GEMIN6: variants seen among roughly 807,000 people sequenced by gnomAD.
GEMIN6 encodes gem nuclear organelle associated protein 6.
A neutral mutation model predicts 14.1 loss-of-function variants in GEMIN6; 13 were observed. That is an observed-to-expected ratio of 0.92 (90% CI 0.60 to 1.46). The LOEUF (loss-of-function observed/expected upper bound fraction) is 1.46. Ranked by LOEUF, GEMIN6 falls within the 40% of genes most tolerant of loss-of-function variation. The probability of loss-of-function intolerance (pLI) is 0.00; values close to 1 mark genes in which losing one functional copy is unlikely to be tolerated. For missense variants in GEMIN6, 271 were observed against 202.4 expected, an observed-to-expected ratio of 1.34 and a Z score of -2.06; for synonymous variants, 87 against 70.0, an observed-to-expected ratio of 1.24 and a Z score of -1.21.
Position 38,782,287 on chromosome 2 carries a change from G to C in GEMIN6, c.*395G>C. 1.2e-5 allele frequency: 2 copies of C among 160,762 alleles called. No homozygotes were observed. The highest frequency in any genetic ancestry group is 2.7e-5 in the Non-Finnish European group (2 of 74,020). The allele number at this position is 160,762 out of a possible 1,614,324, so 10.0% of individuals were successfully genotyped here. ...GCCTCTCGAGTAGCTGGGACTACAG[G>C]TGCACGCCACCACTCCCAGCTAATT... On this transcript the variant is annotated 3_prime_UTR_variant, in exon 3 of 3. Transcript: ENST00000281950.
intron 2 of GEMIN6, chr2:38,779,487 T>G (rs1217294713): frequency 4.1e-6 from 1 of 246,046 alleles, no homozygotes; most frequent in Admixed American, 5.5e-5. Context: ...CACCTTAGCG[T>G]CACAGAGTGC....
In GEMIN6 at chr2:38,782,923, T is replaced by C. The variant is rs1238176170; in HGVS notation, c.*1031T>C. On this transcript the variant is annotated 3_prime_UTR_variant, in exon 3 of 3. Transcript: ENST00000281950. ...CACTCTTGTTCCCCAGGCTGGAGTG[T>C]AATAGTGCAATCTCGGCTTACCACA... 5 of 151,982 alleles carry C rather than the reference T, an allele frequency of 3.3e-5. No individual in the cohort carries two copies. Among genetic ancestry groups the C allele is most frequent in the African/African-American group, 1.2e-4 (5 of 41,350 alleles). The allele number at this position is 151,982 out of a possible 1,614,324, so 9.4% of individuals were successfully genotyped here.
rs1669156117 is a variant in GEMIN6 at position 38,784,261 on chromosome 2, C to G, written c.*2369C>G. 1.3e-5 allele frequency: 2 copies of G among 152,320 alleles called. No individual in the cohort carries two copies. The highest frequency in any genetic ancestry group is 4.8e-5 in the African/African-American group (2 of 41,428). The allele number at this position is 152,320 out of a possible 1,614,324, so 9.4% of individuals were successfully genotyped here. Reference sequence around the variant, plus strand: ...AGGCCTTTGAAAAGGAAGAAGCCAGCTGGGCGCGGTGGCTCACGCCTGTAA... The same window carrying G: ...AGGCCTTTGAAAAGGAAGAAGCCAGGTGGGCGCGGTGGCTCACGCCTGTAA... On this transcript the variant is annotated 3_prime_UTR_variant, in exon 3 of 3. Coordinates refer to ENST00000281950, the MANE Select transcript of GEMIN6 (RefSeq NM_024775.10).
Position 38,781,788 on chromosome 2 carries a change from A to C in GEMIN6, c.400A>C (p.Thr134Pro). ...GACTCTCTGTGTGGCTGGGGTCCTGACTATAGACCCACCATATGGTCCAGA... is the reference window on the plus strand; with the variant it reads ...GACTCTCTGTGTGGCTGGGGTCCTGCCTATAGACCCACCATATGGTCCAGA... ...PRTLCVAGVLTIDPPYGPENC... is the reference protein window; with the variant it reads ...PRTLCVAGVLPIDPPYGPENC... Residue 134 changes from threonine to proline, a missense_variant, in exon 3 of 3, where the codon ACT (threonine) becomes CCT (proline). Transcript: ENST00000281950. 6.2e-7 allele frequency: 1 copy of C among 1,614,178 alleles called. No homozygotes were observed. Among genetic ancestry groups the C allele is most frequent in the South Asian group, 1.1e-5 (1 of 91,092 alleles).
chr2:38,783,881 T>A lies in GEMIN6; in HGVS notation c.*1989T>A, dbSNP rs1310887629. 2.0e-5 allele frequency: 3 copies of A among 152,160 alleles called. No individual in the cohort carries two copies. Among genetic ancestry groups the A allele is most frequent in the African/African-American group, 7.2e-5 (3 of 41,444 alleles). The allele number at this position is 152,160 out of a possible 1,614,324, so 9.4% of individuals were successfully genotyped here. On this transcript the variant is annotated 3_prime_UTR_variant, in exon 3 of 3. Coordinates refer to ENST00000281950, the MANE Select transcript of GEMIN6 (RefSeq NM_024775.10). ...AGTGCTTCCTGCATGTTGGCAAGCA[T>A]CAGAATCAGCTGCAGGGCTTTTCAA...
At chr2:38,781,076 C>A (rs181465446) in intron 2 of GEMIN6, among the ~76,000 whole-genome samples, 1 of 147,970 alleles carries the variant, frequency 6.8e-6, no homozygotes, top group African/African-American at 2.5e-5. Context: ...TCAAGCAATT[C>A]TCTGCCTCTG....
rs1669141250 is a variant in GEMIN6 at position 38,783,678 on chromosome 2, T to A, written c.*1786T>A. On this transcript the variant is annotated 3_prime_UTR_variant, in exon 3 of 3. Coordinates refer to ENST00000281950, the MANE Select transcript of GEMIN6 (RefSeq NM_024775.10). The stretch of plus-strand genomic sequence containing the variant: ...CTTCAGGGCCTTTGAATACAGGCCC[T>A]GATAACATAGCTATTTTCCTGCATA... 1 of 152,134 alleles carries A rather than the reference T, an allele frequency of 6.6e-6. No individual in the cohort carries two copies. Among genetic ancestry groups the A allele is most frequent in the Admixed American group, 6.6e-5 (1 of 15,256 alleles). The allele number at this position is 152,134 out of a possible 1,614,324, so 9.4% of individuals were successfully genotyped here.
chr2:38,781,835 G>C lies in GEMIN6; in HGVS notation c.447G>C (p.Glu149Asp), dbSNP rs1282730957. The C allele has an allele frequency of 6.2e-7, 1 of 1,613,928 alleles. No homozygotes were observed. The change falls in exon 3 of 3, where the codon GAG becomes GAC. Residue 149 changes from glutamate to aspartate, a missense_variant. Physicochemically the swap from Glu to Asp is conservative, Grantham distance 45. Transcript: ENST00000281950. ...CAGAAAATTGCAGCAGCTCTAATGA[G>C]ATTATTCTGTCGCGTGTTCAGGATC... ...YGPENCSSSN[E>D]IILSRVQDLI...
intron 2 of GEMIN6, chr2:38,779,365 G>T: frequency 5.1e-6 from 2 of 393,496 alleles, no homozygotes; most frequent in South Asian, 2.2e-5. Context: ...CGAGTAGCTG[G>T]GACTACAGGC....
rs1669152326 is a variant in GEMIN6 at position 38,784,003 on chromosome 2, G to C, written c.*2111G>C. On this transcript the variant is annotated 3_prime_UTR_variant, in exon 3 of 3. Transcript: ENST00000281950. ...TTCCAACAGACTCCCAGATAATGATGTTACCGTTCCCAGACCACACTTGCA... is the reference window on the plus strand; with the variant it reads ...TTCCAACAGACTCCCAGATAATGATCTTACCGTTCCCAGACCACACTTGCA... 1 of 152,160 alleles carries C rather than the reference G, an allele frequency of 6.6e-6. No individual in the cohort carries two copies. 9.4% of individuals were successfully genotyped at this position (152,160 alleles called of 1,614,324 possible). A position where few individuals can be genotyped will look rare whatever the true frequency, so the allele number is the denominator to read the frequency against.
At position 38,784,140 on chromosome 2, in the gene GEMIN6, A is replaced by G. The variant is rs1669153772; in HGVS notation, c.*2248A>G. ...CATCACCTTTCTCCTAGTGGCTAAGACTCTCCTGTTCAAACCCTGGATGTC... is the reference window on the plus strand; with the variant it reads ...CATCACCTTTCTCCTAGTGGCTAAGGCTCTCCTGTTCAAACCCTGGATGTC... On this transcript the variant is annotated 3_prime_UTR_variant, in exon 3 of 3. Transcript: ENST00000281950. 1 of 152,054 alleles carries G rather than the reference A, an allele frequency of 6.6e-6. No homozygotes were observed. The highest frequency in any genetic ancestry group is 1.5e-5 in the Non-Finnish European group (1 of 68,028). The allele number at this position is 152,054 out of a possible 1,614,324, so 9.4% of individuals were successfully genotyped here. A position where few individuals can be genotyped will look rare whatever the true frequency, so the allele number is the denominator to read the frequency against.
chr2:38,781,393 T>C (rs113699259), intron 2 of GEMIN6, 124 bp from the exon 3 acceptor site: 5 of 1,009,536 alleles, frequency 5.0e-6, no homozygotes, highest in Admixed American at 4.7e-5. Flanking sequence ...TTAGTGAATG[T>C]TTGTTGAATA....
chr2:38,781,677 G>A lies in GEMIN6; in HGVS notation c.289G>A (p.Glu97Lys). 6.2e-7 allele frequency: 1 copy of A among 1,614,194 alleles called. No homozygotes were observed. The highest frequency in any genetic ancestry group is 1.7e-5 in the Admixed American group (1 of 60,012). Residue 97 changes from glutamate to lysine, a missense_variant, in exon 3 of 3, where the codon GAG becomes AAG. By Grantham distance (56) the Glu-to-Lys change is moderately conservative. Coordinates refer to ENST00000281950, the MANE Select transcript of GEMIN6 (RefSeq NM_024775.10). ...TSGDCKAYSP[E>K]DLEERKNSLK... Reference sequence around the variant, plus strand: ...TGGAGACTGCAAAGCATACAGCCCAGAGGATCTGGAAGAGAGAAAGAACAG... The same window carrying A: ...TGGAGACTGCAAAGCATACAGCCCAAAGGATCTGGAAGAGAGAAAGAACAG...
At chr2:38,781,199 AC>A (rs1348724425) in intron 2 of GEMIN6, among the ~76,000 whole-genome samples, 1 of 138,940 alleles carries the variant, frequency 7.2e-6, no homozygotes, top group Non-Finnish European at 1.6e-5. Context: ...TGAACTCCTG[AC>A]CTCGTGATCC....
At chr2:38,779,664 A>ATATATATATATATT (rs1462670941) in intron 2 of GEMIN6, among the ~76,000 whole-genome samples, 2 of 20,780 alleles carry the variant, frequency 9.6e-5, no homozygotes, top group African/African-American at 1.9e-4. Flanking sequence ...ATATATATAT[A>ATATATATATATATT]TTTTTTTTTT....
At chr2:38,778,378 A>C (rs1215628338) in intron 1 of GEMIN6, 97 bp downstream of exon 1, 1 of 152,154 alleles carries the variant, frequency 6.6e-6, no homozygotes. Flanking sequence ...CCAGAAATCT[A>C]AGCTCTAGAG....
Position 38,781,618 on chromosome 2 carries a change from G to A in GEMIN6, c.230G>A (p.Arg77Lys). 1.2e-6 allele frequency: 2 copies of A among 1,614,240 alleles called. No homozygotes were observed. The highest frequency in any genetic ancestry group is 1.7e-6 in the Non-Finnish European group (2 of 1,180,046). ...GAAACTATGAATGAAGGGGACCATAGAGTGAGGGAGAAGCTGATGCATTTG... is the reference window on the plus strand; with the variant it reads ...GAAACTATGAATGAAGGGGACCATAAAGTGAGGGAGAAGCTGATGCATTTG... ...TVETMNEGDHRVREKLMHLFT... is the reference protein window; with the variant it reads ...TVETMNEGDHKVREKLMHLFT... Residue 77 changes from arginine to lysine, a missense_variant, in exon 3 of 3, where the codon AGA becomes AAA. Arg to Lys is a conservative substitution (Grantham distance 26, BLOSUM62 2). Transcript: ENST00000281950.
At chr2:38,778,822 A>G (rs1383128871) in intron 1 of GEMIN6, 150 bp from the exon 2 acceptor site, 2 of 579,442 alleles carry the variant, frequency 3.5e-6, no homozygotes, top group East Asian at 6.2e-5. Flanking sequence ...TCCTATCAGT[A>G]CATGCATTAA....
intron 2 of GEMIN6, among the ~76,000 whole-genome samples, chr2:38,779,655 TATATA>T (rs1179880213): frequency 4.5e-4 from 15 of 33,672 alleles, no homozygotes; most frequent in Non-Finnish European, 1.1e-3. Context: ...TATATATATA[TATATA>T]TATATTTTTT....
Sources: allele counts gnomAD v4.1 joint callset (sites outside exome capture counted in the v4.1 genomes callset), GRCh38; gene constraint gnomAD v4.1.1; transcripts MANE v1.5; gene names NCBI Gene and HGNC (gene_info 2026-07-23, HGNC 2026-07-21).